The following RYR1 variants were observed in gnomAD, a reference collection of about 807,000 sequenced individuals.
RYR1 encodes ryanodine receptor 1, also known as central core disease of muscle.
Under a neutral mutation model 583.5 loss-of-function variants are expected in RYR1, and 342 were observed. That is an observed-to-expected ratio of 0.59 (90% CI 0.54 to 0.64). The LOEUF is 0.64. RYR1 is among the 30% of genes least tolerant of loss of function. The pLI is 0.00. For synonymous variants in RYR1, 2,791 were observed against 2,822.5 expected, an observed-to-expected ratio of 0.99 and a Z score of 0.35; for missense variants, 6,032 against 6,917.2, an observed-to-expected ratio of 0.87 and a Z score of 4.54.
At chr19:38,472,847 A>G (rs1968495958) in intron 27 of RYR1, among the ~76,000 whole-genome samples, 1 of 151,244 alleles carries the variant, frequency 6.6e-6, no homozygotes, top group East Asian at 1.9e-4. Flanking sequence ...AAAAAAAAAA[A>G]AAAAAAAAAA....
chr19:38,483,250 G>A lies in RYR1; in HGVS notation c.4708-40G>A. The A allele has an allele frequency of 6.4e-7, 1 of 1,570,316 alleles. No individual in the cohort carries two copies. Among genetic ancestry groups the A allele is most frequent in the East Asian group, 2.3e-5 (1 of 43,288 alleles). On this transcript the variant is annotated intron_variant, in intron 32 of 105. Transcript: ENST00000359596. This position sits in a 1 kb window ranked among gnomAD's most constrained non-coding sequence, Gnocchi z 6.3. The stretch of plus-strand genomic sequence containing the variant: ...GGAAGTGGTGTGGTGGGACAGAGGG[G>A]GCTGGCCATCTTGACCCATGTGTGT...
rs934751334 is a variant in RYR1 at position 38,483,798 on chromosome 19, G to A, written c.4934+282G>A. Among the ~76,000 whole-genome samples, 7 of 151,876 alleles carry A rather than the reference G, an allele frequency of 4.6e-5. No homozygotes were observed. Among genetic ancestry groups the A allele is most frequent in the African/African-American group, 1.7e-4 (7 of 41,320 alleles). Reference sequence around the variant, plus strand: ...CCCAAGGACCCAGACCCACTCCACAGGGCCCCAAACCCATCTCAGGGAGCC... The same window carrying A: ...CCCAAGGACCCAGACCCACTCCACAAGGCCCCAAACCCATCTCAGGGAGCC... On this transcript the variant is annotated intron_variant, in intron 33 of 105. Coordinates refer to ENST00000359596, the MANE Select transcript of RYR1 (RefSeq NM_000540.3). This position sits in a 1 kb window ranked among gnomAD's most constrained non-coding sequence, Gnocchi z 6.3.
chr19:38,536,808 C>T (rs568191123), intron 83 of RYR1, 41 bp downstream of exon 83: 4 of 1,608,066 alleles, frequency 2.5e-6, no homozygotes, highest in Non-Finnish European at 3.4e-6. Flanking sequence ...CTGCTGTCAC[C>T]CACCCCTCCT....
rs1260287430 is a variant in RYR1 at position 38,500,373 on chromosome 19, C to G, written c.7324-233C>G. On this transcript the variant is annotated intron_variant, in intron 45 of 105. Transcript: ENST00000359596. The surrounding 1 kb of genome is among the most constrained non-coding windows in gnomAD (Gnocchi z 5.9). ...GGGTCACAGGGATAGGGGTCGGGGC[C>G]AGGATGAGGGGTCGCAGGGAGAGGG... Among the ~76,000 whole-genome samples the G allele has an allele frequency of 1.6e-5, 2 of 123,800 alleles. No homozygotes were observed. The highest frequency in any genetic ancestry group is 3.3e-5 in the Non-Finnish European group (2 of 60,888). The allele number at this position is 123,800 out of a possible 152,430, so 81.2% of individuals were successfully genotyped here.
At chr19:38,469,653 G>C in intron 27 of RYR1, 140 bp downstream of exon 27, 1 of 917,120 alleles carries the variant, frequency 1.1e-6, no homozygotes, top group Non-Finnish European at 1.7e-6. Context: ...ATGGGCTCAC[G>C]GGCTGTATGA....
chr19:38,500,738 A>T lies in RYR1; in HGVS notation c.7444+12A>T. The T allele has an allele frequency of 1.2e-6, 2 of 1,614,028 alleles. No individual in the cohort carries two copies. The highest frequency in any genetic ancestry group is 1.7e-6 in the Non-Finnish European group (2 of 1,179,996). On this transcript the variant is annotated intron_variant, in intron 46 of 105. Transcript: ENST00000359596. The surrounding 1 kb of genome is among the most constrained non-coding windows in gnomAD (Gnocchi z 5.9). ...CACCCTGGGCAAAGGTGCAGAGGGG[A>T]TGGAACTTGGCGAAGGAGTGATGCT...
chr19:38,579,837 A>G, intron 99 of RYR1, 145 bp from the exon 100 acceptor site: 1 of 995,528 alleles, frequency 1.0e-6, no homozygotes, highest in Admixed American at 1.8e-5. Flanking sequence ...TCTCACCCGG[A>G]ATGCCCTGAT....
intron 31 of RYR1, among the ~76,000 whole-genome samples, chr19:38,482,100 A>G (rs960140993): frequency 1.3e-5 from 2 of 152,146 alleles, no homozygotes; most frequent in Admixed American, 6.6e-5. Context: ...AAAAAAATAA[A>G]TAAACAAAAT....
At chr19:38,456,622 C>G (rs966587092) in intron 16 of RYR1, among the ~76,000 whole-genome samples, 1 of 151,836 alleles carries the variant, frequency 6.6e-6, no homozygotes, top group Non-Finnish European at 1.5e-5. Flanking sequence ...AATATTACAG[C>G]CTCTAGGTGG....
rs1357416595 is a variant in RYR1 at position 38,492,355 on chromosome 19, T to C, written c.6128-135T>C. The C allele has an allele frequency of 1.1e-5, 10 of 902,976 alleles. No homozygotes were observed. In the East Asian group the frequency reaches 2.7e-4, roughly 24 times the overall value. The allele number at this position is 902,976 out of a possible 1,614,324, so 55.9% of individuals were successfully genotyped here. ...TCTCCACTGCAACAGAACAAGACAC[T>C]GTCTCAAAAAAAAAAAAAAAAAGGA... On this transcript the variant is annotated intron_variant, in intron 37 of 105. Coordinates refer to ENST00000359596, the MANE Select transcript of RYR1 (RefSeq NM_000540.3).
chr19:38,515,222 C>A, intron 64 of RYR1, 115 bp downstream of exon 64: 1 of 858,276 alleles, frequency 1.2e-6, no homozygotes, highest in Non-Finnish European at 1.9e-6. Flanking sequence ...TTTTCCCGCA[C>A]ACGGCGGCAG....
chr19:38,525,555 C>T (rs1177512092), intron 71 of RYR1, 53 bp downstream of exon 71: 1 of 1,583,448 alleles, frequency 6.3e-7, no homozygotes, highest in African/African-American at 1.3e-5. Context: ...CCAGCACCCA[C>T]TGAACCCCTG....
rs575050959 is a variant in RYR1, at chr19:38,494,851, C to T, written c.6548+226C>T. 5.3e-4 allele frequency among the ~76,000 whole-genome samples: 75 copies of T among 142,308 alleles called. 1 individual carries two copies. Among genetic ancestry groups the T allele is most frequent in the African/African-American group, 2.0e-3 (70 of 34,722 alleles). The allele number at this position is 142,308 out of a possible 152,430, so 93.4% of individuals were successfully genotyped here. ...TCTCAGCAGGACATTCCCCACCCCCCCCTTTTTTTTTTTTTTTGTGAGACT... is the reference window on the plus strand; with the variant it reads ...TCTCAGCAGGACATTCCCCACCCCCTCCTTTTTTTTTTTTTTTGTGAGACT... On this transcript the variant is annotated intron_variant, in intron 39 of 105. Transcript: ENST00000359596.
At position 38,499,381 on chromosome 19, in the gene RYR1, G is replaced by C; in HGVS notation, c.7027+138G>C. ...CTTCCAGCAGGCCTGGGGCTGGCAG[G>C]GGCCTGTGTTACCCCTGGAGGTGTT... On this transcript the variant is annotated intron_variant, in intron 43 of 105. Transcript: ENST00000359596. The surrounding 1 kb of genome is among the most constrained non-coding windows in gnomAD (Gnocchi z 7.3). 1 of 1,428,074 alleles carries C rather than the reference G, an allele frequency of 7.0e-7. No homozygotes were observed. Among genetic ancestry groups the C allele is most frequent in the East Asian group, 2.3e-5 (1 of 43,078 alleles). 88.5% of individuals were successfully genotyped at this position (1,428,074 alleles called of 1,614,324 possible).
At chr19:38,567,954 C>A (rs766985165) in intron 93 of RYR1, 37 bp downstream of exon 93, 2 of 1,609,596 alleles carry the variant, frequency 1.2e-6, no homozygotes, top group Non-Finnish European at 1.7e-6. Flanking sequence ...CCTTCTTCTC[C>A]CCGGGAGCCC....
At position 38,572,209 on chromosome 19, in the gene RYR1, G is replaced by A. The variant is rs2145870253; in HGVS notation, c.13937G>A (p.Cys4646Tyr). The change falls in exon 95 of 106, where the codon TGT (cysteine) becomes TAT (tyrosine). Residue 4646 changes from cysteine (C) to tyrosine (Y), a missense_variant. By Grantham distance (194) the Cys-to-Tyr change is radical. Transcript: ENST00000359596. ...STGYMEPALR[C>Y]LSLLHTLVAF... ...GGCTACATGGAACCCGCCCTGCGGTGTCTGAGCCTCCTGCATACACTGGTG... is the reference window on the plus strand; with the variant it reads ...GGCTACATGGAACCCGCCCTGCGGTATCTGAGCCTCCTGCATACACTGGTG... The A allele has an allele frequency of 3.1e-6, 5 of 1,613,606 alleles. No individual in the cohort carries two copies. Among genetic ancestry groups the A allele is most frequent in the Non-Finnish European group, 4.2e-6 (5 of 1,179,932 alleles).
In RYR1 at chr19:38,512,371, C is replaced by T. The variant is rs748400885; in HGVS notation, c.9360C>T (p.Thr3120=). 4.8e-5 allele frequency: 77 copies of T among 1,613,982 alleles called. No homozygotes were observed. Among genetic ancestry groups the T allele is most frequent in the Middle Eastern group, 3.3e-4 (2 of 6,084 alleles). ...LRLGKVSQAR[T]QVKGVGQNLT... ...TGGGCAAGGTGTCGCAGGCGCGCAC[C>T]CAGGTGAAAGGCGTGGGCCAGAACC... Residue 3120 remains threonine, a synonymous_variant, in exon 63 of 106, where the codon ACC becomes ACT. Coordinates refer to ENST00000359596, the MANE Select transcript of RYR1 (RefSeq NM_000540.3). This position sits in a 1 kb window ranked among gnomAD's most constrained non-coding sequence, Gnocchi z 5.1.
intron 90 of RYR1, among the ~76,000 whole-genome samples, chr19:38,563,873 C>G (rs1973265019): frequency 6.6e-6 from 1 of 152,206 alleles, no homozygotes; most frequent in Non-Finnish European, 1.5e-5. Context: ...GCCACCTTGT[C>G]TGTGTCACCT....
intron 29 of RYR1, 135 bp downstream of exon 29, chr19:38,475,585 A>C: frequency 3.6e-6 from 4 of 1,107,180 alleles, no homozygotes; most frequent in Non-Finnish European, 5.3e-6. Context: ...CTAGAAACTC[A>C]TAAAATATGG....
Sources: gnomAD v4.1 joint callset for allele counts (sites outside exome capture counted in the v4.1 genomes callset) on GRCh38, gnomAD v4.1.1 for gene constraint, Gnocchi (gnomAD v3.1) non-coding constraint, MANE v1.5 for transcripts, NCBI Gene and HGNC (gene_info 2026-07-23, HGNC 2026-07-21) for gene names.